Variants in ZFYVE9 observed in about 807,000 individuals in gnomAD.
The protein encoded by ZFYVE9 is zinc finger FYVE-type containing 9.
ZFYVE9 carries 43 observed loss-of-function variants against 126.7 expected under a neutral mutation model. The observed-to-expected ratio is 0.34, with a 90% CI of 0.27 to 0.44. ZFYVE9 has a LOEUF of 0.44. ZFYVE9 is among the 20% of genes least tolerant of loss of function. The pLI is 1.00. For synonymous variants in ZFYVE9, 521 were observed against 597.4 expected (o/e 0.87, Z 1.87); for missense variants, 1,476 against 1,697.0 (o/e 0.87, Z 2.29).
At chr1:52,257,825 C>T (rs1390330774) in intron 4 of ZFYVE9, among the ~76,000 whole-genome samples, 1 of 152,170 alleles carries the variant, frequency 6.6e-6, no homozygotes. Context: ...ACCTCCACCT[C>T]TTGGGTTCTC....
chr1:52,291,228 C>CT (rs1645916531), intron 10 of ZFYVE9, among the ~76,000 whole-genome samples: 1 of 152,168 alleles, frequency 6.6e-6, no homozygotes, highest in Non-Finnish European at 1.5e-5. Context: ...CAAAGCTTCT[C>CT]TGAGTTTAAA....
At chr1:52,250,855 C>T (rs912888560) in intron 4 of ZFYVE9, among the ~76,000 whole-genome samples, 3 of 151,846 alleles carry the variant, frequency 2.0e-5, no homozygotes, top group Admixed American at 2.0e-4. Context: ...GACTAACAGG[C>T]GTGCACTACC....
chr1:52,338,285 T>G (rs1486912027), intron 16 of ZFYVE9, among the ~76,000 whole-genome samples: 1 of 152,210 alleles, frequency 6.6e-6, no homozygotes, highest in East Asian at 1.9e-4. Context: ...TTCCATTCTA[T>G]AAATGAGTAA....
chr1:52,166,578 T>C (rs756206417), intron 1 of ZFYVE9, among the ~76,000 whole-genome samples: 2 of 152,162 alleles, frequency 1.3e-5, no homozygotes, highest in Non-Finnish European at 2.9e-5. Flanking sequence ...CTGAACACTT[T>C]ATTGTTTGCT....
chr1:52,329,998 G>A (rs1646325819), intron 13 of ZFYVE9, among the ~76,000 whole-genome samples: 1 of 151,450 alleles, frequency 6.6e-6, no homozygotes, highest in Non-Finnish European at 1.5e-5. Flanking sequence ...GGAAGGATAA[G>A]GTGGGAGGAT....
intron 1 of ZFYVE9, among the ~76,000 whole-genome samples, chr1:52,198,665 C>G (rs748764952): frequency 3.3e-4 from 50 of 152,180 alleles, no homozygotes; most frequent in African/African-American, 1.2e-3. Context: ...AAATATATCA[C>G]TTGCATTGAC....
chr1:52,151,509 G>T (rs1486920154), intron 1 of ZFYVE9, among the ~76,000 whole-genome samples: 1 of 150,748 alleles, frequency 6.6e-6, no homozygotes. Flanking sequence ...GTGTGTGTAT[G>T]TGTGTTTTTT....
intron 13 of ZFYVE9, 118 bp from the exon 14 acceptor site, chr1:52,332,650 T>G (rs751795581): frequency 8.1e-7 from 1 of 1,241,474 alleles, no homozygotes; most frequent in Non-Finnish European, 1.1e-6. Flanking sequence ...TGGTGGCCCT[T>G]TTTGTCACTT....
intron 15 of ZFYVE9, 81 bp downstream of exon 15, chr1:52,334,849 A>G (rs1646375167): frequency 3.6e-6 from 5 of 1,376,696 alleles, no homozygotes; most frequent in South Asian, 1.2e-5. Flanking sequence ...TCTGCTGTAG[A>G]TGTCTGACTC....
chr1:52,161,937 CAAA>C (rs760164661), intron 1 of ZFYVE9, among the ~76,000 whole-genome samples: 1 of 132,260 alleles, frequency 7.6e-6, no homozygotes, highest in Non-Finnish European at 1.7e-5. Context: ...TTAGTAAAAG[CAAA>C]AAAAAAAAAA....
chr1:52,285,829 C>T (rs1645852910), intron 10 of ZFYVE9, among the ~76,000 whole-genome samples: 1 of 152,134 alleles, frequency 6.6e-6, no homozygotes, highest in African/African-American at 2.4e-5. Flanking sequence ...AAACCCATCC[C>T]TGGTGCCAAA....
rs1477536764 is a variant in ZFYVE9, at chr1:52,330,681, G to C, written c.3439-2087G>C. ...TTCATCACCATCTTGGTTTTGGTGG[G>C]TTTTGGCTAGCTTCTTTACAGCATT... is the stretch of plus-strand genomic sequence containing the variant. On this transcript the variant is annotated intron_variant, in intron 13 of 18. Transcript: ENST00000287727. 2.6e-5 allele frequency among the ~76,000 whole-genome samples: 4 copies of C among 152,082 alleles called. No homozygotes were observed. The East Asian group carries it at 7.7e-4, about 29-fold the overall frequency.
chr1:52,335,083 C>T (rs1646376452), intron 15 of ZFYVE9: 2 of 192,804 alleles, frequency 1.0e-5, no homozygotes, highest in Non-Finnish European at 2.1e-5. Flanking sequence ...GATGAAAGTC[C>T]TGTCCACAAG....
At chr1:52,220,256 C>T (rs760298072) in intron 2 of ZFYVE9, among the ~76,000 whole-genome samples, 2 of 152,184 alleles carry the variant, frequency 1.3e-5, no homozygotes, top group Non-Finnish European at 2.9e-5. Flanking sequence ...CCATTTTATT[C>T]CTAGTGCTTG....
In ZFYVE9 at chr1:52,198,121, T is replaced by TG. The variant is rs1644880622; in HGVS notation, c.-142-18248_-142-18247insG. Among the ~76,000 whole-genome samples the TG allele has an allele frequency of 4.5e-4, 3 of 6,710 alleles. No homozygotes were observed. The East Asian group carries it at 0.023, about 51-fold the overall frequency. 4.4% of individuals were successfully genotyped at this position (6,710 alleles called of 152,430 possible). A position where few individuals can be genotyped will look rare whatever the true frequency, so the allele number is the denominator to read the frequency against. ...AATAATATTGTAGTGTTTTTTTTTG[T>TG]TTGTTTTTTTTTTTTTTTGAGATGG... On this transcript the variant is annotated intron_variant, in intron 1 of 18. Transcript: ENST00000287727.
At chr1:52,186,269 AAAC>A (rs1364466914) in intron 1 of ZFYVE9, among the ~76,000 whole-genome samples, 5 of 151,972 alleles carry the variant, frequency 3.3e-5, no homozygotes, top group African/African-American at 9.7e-5. Context: ...AAAACCCAAA[AAAC>A]AACAACAAAA....
intron 1 of ZFYVE9, among the ~76,000 whole-genome samples, chr1:52,170,666 G>C (rs565152447): frequency 6.6e-6 from 1 of 152,090 alleles, no homozygotes; most frequent in East Asian, 1.9e-4. Flanking sequence ...ATAGGTTTCG[G>C]CATGTTGTGT....
chr1:52,315,222 A>G (rs1276780608), intron 13 of ZFYVE9, among the ~76,000 whole-genome samples: 1 of 152,116 alleles, frequency 6.6e-6, no homozygotes, highest in Non-Finnish European at 1.5e-5. Flanking sequence ...TGAAGCCAGG[A>G]GTTCAAGGAC....
chr1:52,277,888 A>G (rs1645763609), intron 8 of ZFYVE9, among the ~76,000 whole-genome samples: 1 of 152,210 alleles, frequency 6.6e-6, no homozygotes, highest in Non-Finnish European at 1.5e-5. Context: ...TGTGTGATTT[A>G]CTGATGATTT....
Sources: gnomAD v4.1 joint callset for allele counts (sites outside exome capture counted in the v4.1 genomes callset) on GRCh38, gnomAD v4.1.1 for gene constraint, MANE v1.5 for transcripts, NCBI Gene and HGNC (gene_info 2026-07-23, HGNC 2026-07-21) for gene names.